Variants in SLCO2B1 observed in about 807,000 individuals in gnomAD.
SLCO2B1 encodes the protein OATP-RP2.
A neutral mutation model predicts 67.3 loss-of-function variants in SLCO2B1; 41 were observed. The observed-to-expected ratio is 0.61, with a 90% CI of 0.47 to 0.79. The LOEUF (loss-of-function observed/expected upper bound fraction) is 0.79, where lower values mean the gene tolerates loss of function less well. Ranked by LOEUF, SLCO2B1 falls within the 30% of genes least tolerant of loss-of-function variation. The pLI is 0.00. For missense variants in SLCO2B1, 837 were observed against 920.1 expected, an observed-to-expected ratio of 0.91 and a Z score of 1.17; for synonymous variants, 379 against 381.4, an observed-to-expected ratio of 0.99 and a Z score of 0.07.
At chr11:75,170,793 G>C (rs1026979433) in intron 6 of SLCO2B1, among the ~76,000 whole-genome samples, 1 of 152,164 alleles carries the variant, frequency 6.6e-6, no homozygotes, top group Non-Finnish European at 1.5e-5. Context: ...TCCCCTGAAA[G>C]AAAAGTCCTG....
intron 9 of SLCO2B1, among the ~76,000 whole-genome samples, chr11:75,194,392 C>T (rs993350823): frequency 1.3e-5 from 2 of 152,188 alleles, no homozygotes; most frequent in South Asian, 2.1e-4. Context: ...TCTCTGTACC[C>T]ACCCCTTCCT....
In SLCO2B1 at chr11:75,193,192, C is replaced by T. The variant is rs776929607; in HGVS notation, c.1076-26C>T. 4 of 1,571,414 alleles carry T rather than the reference C, an allele frequency of 2.5e-6. No homozygotes were observed. The Admixed American group carries it at 5.1e-5, about 20-fold the overall frequency. On this transcript the variant is annotated intron_variant, in intron 8 of 13. Coordinates refer to ENST00000289575, the MANE Select transcript of SLCO2B1 (RefSeq NM_007256.5). This position sits in a 1 kb window ranked among gnomAD's most constrained non-coding sequence, Gnocchi z 4.2. ...TGGACAGCTTGGCTGCCCTGCCTGC[C>T]CTGACCTCTGCACTCGCCCCCACAG...
In SLCO2B1 at chr11:75,200,358, C is replaced by A; in HGVS notation, c.1734C>A (p.Thr578=). The stretch of plus-strand genomic sequence containing the variant: ...TGGGCTCGGCCCTGGCCTGTCTCAC[C>A]CACACACCCTCCTTCATGCTCATCC... ...VSLGSALACL[T]HTPSFMLILR... The change falls in exon 11 of 14, where the codon ACC becomes ACA. Residue 578 remains threonine (T), a synonymous_variant. Coordinates refer to ENST00000289575, the MANE Select transcript of SLCO2B1 (RefSeq NM_007256.5). The A allele has an allele frequency of 6.2e-7, 1 of 1,610,604 alleles. No homozygotes were observed. Among genetic ancestry groups the A allele is most frequent in the Non-Finnish European group, 8.5e-7 (1 of 1,178,248 alleles).
At chr11:75,199,972 CT>C (rs1945156999) in intron 10 of SLCO2B1, 10 of 506,618 alleles carry the variant, frequency 2.0e-5, no homozygotes, top group Non-Finnish European at 3.5e-5. Context: ...TTCTTCTCTA[CT>C]TTCTCTCTGC....
At chr11:75,167,895 C>CAT (rs1949911266) in intron 4 of SLCO2B1, among the ~76,000 whole-genome samples, 1 of 134,444 alleles carries the variant, frequency 7.4e-6, no homozygotes. Context: ...TTCTTTCTTT[C>CAT]TTTTTTTTTT....
chr11:75,203,505 G>C (rs1338558396), intron 13 of SLCO2B1, 78 bp downstream of exon 13: 5 of 1,576,210 alleles, frequency 3.2e-6, no homozygotes. Context: ...CAGCAGGGAG[G>C]GGAGGTTTCA....
intron 10 of SLCO2B1, among the ~76,000 whole-genome samples, chr11:75,198,342 C>T (rs1945132180): frequency 6.6e-6 from 1 of 152,226 alleles, no homozygotes; most frequent in South Asian, 2.1e-4. Flanking sequence ...TTATTAAGTG[C>T]CTACTACAGA....
At chr11:75,177,432 G>T (rs538120585) in intron 7 of SLCO2B1, among the ~76,000 whole-genome samples, 1 of 152,252 alleles carries the variant, frequency 6.6e-6, no homozygotes, top group African/African-American at 2.4e-5. Flanking sequence ...GCAGTGGCAG[G>T]GACAGGGCTA....
intron 7 of SLCO2B1, among the ~76,000 whole-genome samples, chr11:75,179,985 C>T (rs1234825751): frequency 1.3e-5 from 2 of 151,576 alleles, no homozygotes; most frequent in Non-Finnish European, 2.9e-5. Context: ...AGCCACCACA[C>T]CTGGCCCTGG....
intron 2 of SLCO2B1, chr11:75,163,013 C>G: frequency 2.2e-6 from 1 of 458,294 alleles, no homozygotes; most frequent in Non-Finnish European, 3.9e-6. Context: ...AAGGGGTGTT[C>G]TTGGAGTAGT....
chr11:75,203,237 T>G, intron 12 of SLCO2B1, 70 bp from the exon 13 acceptor site: 1 of 1,577,756 alleles, frequency 6.3e-7, no homozygotes, highest in Non-Finnish European at 8.6e-7. Flanking sequence ...CCTGAGGGGT[T>G]GTACATGCCA....
chr11:75,166,642 C>G (rs1949896232), intron 4 of SLCO2B1, among the ~76,000 whole-genome samples: 1 of 151,920 alleles, frequency 6.6e-6, no homozygotes, highest in Non-Finnish European at 1.5e-5. Flanking sequence ...ACCTACTACT[C>G]ATCCATCTAT....
In SLCO2B1 at chr11:75,165,933, C is replaced by T. The variant is rs766836900; in HGVS notation, c.432C>T (p.Tyr144=). 8.7e-6 allele frequency: 14 copies of T among 1,614,014 alleles called. No individual in the cohort carries two copies. The highest frequency in any genetic ancestry group is 4.5e-5 in the East Asian group (2 of 44,888). The change falls in exon 4 of 14, where the codon TAC becomes TAT. Residue 144 remains tyrosine (Y), a synonymous_variant. Transcript: ENST00000289575. ...LPHFISEPYR[Y]DNTSPEDMPQ... ...ACTTCATCTCGGAGCCATACCGCTA[C>T]GACAACACCAGCCCTGGTAAGAGCA...
At chr11:75,173,557 C>T (rs1409693488) in intron 7 of SLCO2B1, among the ~76,000 whole-genome samples, 1 of 152,108 alleles carries the variant, frequency 6.6e-6, no homozygotes, top group Non-Finnish European at 1.5e-5. Flanking sequence ...TATCTAGAAT[C>T]CTCCTCCTCT....
intron 4 of SLCO2B1, 128 bp downstream of exon 4, chr11:75,166,077 A>G (rs1003351579): frequency 2.6e-6 from 3 of 1,171,188 alleles, no homozygotes; most frequent in East Asian, 2.5e-5. Context: ...GACAGCTGCT[A>G]GTCCCCCCCC....
chr11:75,172,415 T>G lies in SLCO2B1; in HGVS notation c.818T>G (p.Val273Gly). Residue 273 changes from valine to glycine, a missense_variant, in exon 7 of 14, where the codon GTG (valine) becomes GGG (glycine). Coordinates refer to ENST00000289575, the MANE Select transcript of SLCO2B1 (RefSeq NM_007256.5). The part of the protein sequence containing the change: ...ISLTIKDPRW[V>G]GAWWLGFLIA... ...CTGACCATAAAGGACCCCCGATGGG[T>G]GGGTGCCTGGTGGCTGGGTTTCCTC... 6.2e-7 allele frequency: 1 copy of G among 1,614,070 alleles called. No individual in the cohort carries two copies. The highest frequency in any genetic ancestry group is 8.5e-7 in the Non-Finnish European group (1 of 1,179,954).
At position 75,162,681 on chromosome 11, in the gene SLCO2B1, C is replaced by T. The variant is rs56837383; in HGVS notation, c.43C>T (p.Pro15Ser). ...GCCAGCGGGTGAGGTACCCCAGGTACCAGACAAGGAAACCAAAGCCACAAT... is the reference window on the plus strand; with the variant it reads ...GCCAGCGGGTGAGGTACCCCAGGTATCAGACAAGGAAACCAAAGCCACAAT... The part of the protein sequence containing the change: ...IGPAGEVPQV[P>S]DKETKATMGT... The change falls in exon 2 of 14, where the codon CCA becomes TCA. Residue 15 changes from proline (P) to serine (S), a missense_variant. Transcript: ENST00000289575. 511 of 1,613,796 alleles carry T rather than the reference C, an allele frequency of 3.2e-4. 4 individuals carry two copies. The African/African-American group carries it at 5.2e-3, about 17-fold the overall frequency.
At chr11:75,159,068 T>G (rs1220829677) in intron 1 of SLCO2B1, among the ~76,000 whole-genome samples, 1 of 152,218 alleles carries the variant, frequency 6.6e-6, no homozygotes, top group Admixed American at 6.5e-5. Context: ...TGACAGACTT[T>G]CAGGAACTTG....
chr11:75,166,936 C>G (rs1949899990), intron 4 of SLCO2B1, among the ~76,000 whole-genome samples: 1 of 152,218 alleles, frequency 6.6e-6, no homozygotes, highest in African/African-American at 2.4e-5. Context: ...AAGTCCCACT[C>G]TGTACCAGAC....
Sources: gnomAD v4.1 joint callset for allele counts (sites outside exome capture counted in the v4.1 genomes callset) on GRCh38, gnomAD v4.1.1 for gene constraint, Gnocchi (gnomAD v3.1) non-coding constraint, MANE v1.5 for transcripts, NCBI Gene and HGNC (gene_info 2026-07-23, HGNC 2026-07-21) for gene names.